The following ZNF880 variants were observed in gnomAD, a reference collection of about 807,000 sequenced individuals.
ZNF880 encodes the protein zinc finger protein LOC400713.
In ZNF880, 12 loss-of-function variants were observed where a neutral mutation model predicts 11.8. That is an observed-to-expected ratio of 1.02 (90% CI 0.65 to 1.65). ZNF880 has a LOEUF of 1.65. ZNF880 is among the 40% of genes most tolerant of loss of function. ZNF880 has a pLI of 0.00. For synonymous variants in ZNF880, 210 were observed against 232.4 expected (o/e 0.90, Z 0.88); for missense variants, 601 against 673.9 (o/e 0.89, Z 1.20).
chr19:52,379,222 CTTTAT>C (rs36229604), intron 3 of ZNF880, among the ~76,000 whole-genome samples: 53,505 of 151,024 alleles, frequency 0.35, 9,737 homozygotes, highest in South Asian at 0.5. Context: ...TTTTGAGGAC[CTTTAT>C]TTTATTTTAT....
chr19:52,395,377 G>A, the ZNF880 span: 1 of 152,312 alleles, frequency 6.6e-6, no homozygotes, highest in Admixed American at 6.5e-5. Context: ...ATTGGTAGGT[G>A]ATCTTGAGTT....
At chr19:52,367,441 T>TA (rs1986162849), upstream of ZNF880, 2 of 152,174 alleles carry the variant, frequency 1.3e-5, no homozygotes, top group Admixed American at 6.5e-5. Context: ...AAATTTTTCT[T>TA]AGTGTGAATG....
intron 3 of ZNF880, among the ~76,000 whole-genome samples, chr19:52,380,688 GTTGT>G (rs1161725254): frequency 6.6e-6 from 1 of 151,958 alleles, no homozygotes; most frequent in Non-Finnish European, 1.5e-5. Flanking sequence ...TTCTTGTTCC[GTTGT>G]TTTAGATATA....
the ZNF880 span, among the ~76,000 whole-genome samples, chr19:52,395,965 A>G: frequency 5.4e-3 from 827 of 151,996 alleles, 5 homozygotes; most frequent in African/African-American, 0.019. Flanking sequence ...TTTTATTTTT[A>G]TATTTTTTGA....
Position 52,373,216 on chromosome 19 carries a change from T to C in ZNF880, c.118T>C (p.Tyr40His). The change falls in exon 2 of 4, where the codon TAC becomes CAC. Residue 40 changes from tyrosine to histidine, a missense_variant. Transcript: ENST00000422689. ...TLYREVMVEN[Y>H]RNLVFLGICL... ...ATACAGGGAAGTGATGGTGGAGAAC[T>C]ACAGGAACCTGGTCTTTCTGGGTGA... The C allele has an allele frequency of 6.2e-7, 1 of 1,612,904 alleles. No homozygotes were observed. Among genetic ancestry groups the C allele is most frequent in the South Asian group, 1.1e-5 (1 of 91,054 alleles).
chr19:52,374,158 C>T, intron 2 of ZNF880, 141 bp from the exon 3 acceptor site: 1 of 627,500 alleles, frequency 1.6e-6, no homozygotes, highest in South Asian at 2.4e-5. Flanking sequence ...CTTCGCCTCC[C>T]AGGTTCACGC....
chr19:52,392,255 C>G, the ZNF880 span, among the ~76,000 whole-genome samples: 1 of 151,316 alleles, frequency 6.6e-6, no homozygotes, highest in Non-Finnish European at 1.5e-5. Context: ...AAACCATGGA[C>G]TGACTTTCTT....
At position 52,380,367 on chromosome 19, in the gene ZNF880, T is replaced by A. The variant is rs370484635; in HGVS notation, c.269-3482T>A. ...ATGATAGCTCATTGTGTTTTTTATTTGCATTTTTCCAATGATTAGTGGTAT... is the reference window on the plus strand; with the variant it reads ...ATGATAGCTCATTGTGTTTTTTATTAGCATTTTTCCAATGATTAGTGGTAT... On this transcript the variant is annotated intron_variant, in intron 3 of 3. Coordinates refer to ENST00000422689, the MANE Select transcript of ZNF880 (RefSeq NM_001145434.2). Among the ~76,000 whole-genome samples the A allele has an allele frequency of 4.6e-5, 7 of 152,182 alleles. No homozygotes were observed. The East Asian group carries it at 1.3e-3, about 29-fold the overall frequency.
Position 52,384,930 on chromosome 19 carries a change from C to T in ZNF880, c.1350C>T (p.Ser450=), listed in dbSNP as rs878966151. The change falls in exon 4 of 4, where the codon TCC becomes TCT. Residue 450 remains serine, a synonymous_variant. Coordinates refer to ENST00000422689, the MANE Select transcript of ZNF880 (RefSeq NM_001145434.2). ...ECAKVFRHRL[S]LSNHQRFHTG... is the part of the protein sequence containing the mutation. ...CCAAGGTCTTCAGGCATAGATTATC[C>T]CTAAGCAATCATCAGAGATTTCATA... The T allele has an allele frequency of 6.3e-7, 1 of 1,589,964 alleles. No homozygotes were observed. The highest frequency in any genetic ancestry group is 8.6e-7 in the Non-Finnish European group (1 of 1,166,940).
downstream of ZNF880, chr19:52,390,365 G>A (rs1415078728): frequency 2.4e-6 from 1 of 414,822 alleles, no homozygotes; most frequent in Non-Finnish European, 4.9e-6. Flanking sequence ...CCTGGTCCTG[G>A]GATCCTGCAG....
chr19:52,393,411 C>CT, the ZNF880 span, among the ~76,000 whole-genome samples: 60,157 of 146,294 alleles, frequency 0.41, 12,610 homozygotes, highest in African/African-American at 0.53. Flanking sequence ...TTCTTTCTTT[C>CT]TTTTTTTTTT....
upstream of ZNF880, among the ~76,000 whole-genome samples, chr19:52,369,042 A>G (rs1402292801): frequency 3.1e-5 from 4 of 128,174 alleles, no homozygotes; most frequent in East Asian, 2.1e-4. Flanking sequence ...GCAGGTATAC[A>G]CTAGGATTAA....
chr19:52,371,961 G>C (rs1216454253), intron 1 of ZNF880, among the ~76,000 whole-genome samples: 1 of 151,984 alleles, frequency 6.6e-6, no homozygotes, highest in Non-Finnish European at 1.5e-5. Flanking sequence ...AGGCCGAGGC[G>C]GGAGGATTGC....
downstream of ZNF880, chr19:52,389,487 C>T (rs971665813): frequency 1.3e-5 from 2 of 152,132 alleles, no homozygotes; most frequent in African/African-American, 4.8e-5. Context: ...GTCTCACATC[C>T]AGGTCACACT....
At chr19:52,388,282 C>CTTTTTTTTTTTTTTTTTTT (rs68179783), downstream of ZNF880, among the ~76,000 whole-genome samples, 14 of 63,414 alleles carry the variant, frequency 2.2e-4, 3 homozygotes, top group African/African-American at 4.4e-4. Flanking sequence ...GCAATTTGAA[C>CTTTTTTTTTTTTTTTTTTT]TTTTTTTTTT....
At chr19:52,373,958 C>T (rs962925969) in intron 2 of ZNF880, among the ~76,000 whole-genome samples, 1 of 151,930 alleles carries the variant, frequency 6.6e-6, no homozygotes, top group Non-Finnish European at 1.5e-5. Context: ...CGTGAGCCAC[C>T]GTGCCTGGCG....
At chr19:52,369,760 C>T (rs556674750), upstream of ZNF880, among the ~76,000 whole-genome samples, 3 of 152,272 alleles carry the variant, frequency 2.0e-5, no homozygotes, top group South Asian at 6.2e-4. Flanking sequence ...CAAACTTTCC[C>T]TCTGCCGGGA....
chr19:52,392,192 G>T, the ZNF880 span, among the ~76,000 whole-genome samples: 1 of 152,188 alleles, frequency 6.6e-6, no homozygotes, highest in Non-Finnish European at 1.5e-5. Context: ...CAGATCAACA[G>T]CCAGATGGAA....
At chr19:52,396,121 A>ATTT in the ZNF880 span, among the ~76,000 whole-genome samples, 6,297 of 120,504 alleles carry the variant, frequency 0.052, 525 homozygotes, top group African/African-American at 0.18. Flanking sequence ...TGCCTGGCTA[A>ATTT]TTTTTTTTTT....
Sources: gnomAD v4.1 joint callset for allele counts (sites outside exome capture counted in the v4.1 genomes callset) on GRCh38, gnomAD v4.1.1 for gene constraint, MANE v1.5 for transcripts, NCBI Gene and HGNC (gene_info 2026-07-23, HGNC 2026-07-21) for gene names.